Variants in RGS6 observed in about 807,000 individuals in gnomAD.
The protein encoded by RGS6 is regulator of G-protein signaling 6.
A neutral mutation model predicts 78.5 loss-of-function variants in RGS6; 30 were observed. That is an observed-to-expected ratio of 0.38 (90% CI 0.29 to 0.52). The LOEUF is 0.52. Ranked by LOEUF, RGS6 falls within the 20% of genes least tolerant of loss-of-function variation. The pLI is 0.85. For synonymous variants in RGS6, 206 were observed against 206.0 expected (o/e 1.00, Z 0.00); for missense variants, 495 against 609.7 (o/e 0.81, Z 1.98).
chr14:71,908,900 C>T, the RGS6 span, among the ~76,000 whole-genome samples: 1 of 152,148 alleles, frequency 6.6e-6, no homozygotes, highest in Non-Finnish European at 1.5e-5. Context: ...AAAATAACCA[C>T]ATTCTAAGCT....
chr14:72,187,205 C>T (rs1030516300), intron 2 of RGS6, among the ~76,000 whole-genome samples: 4 of 152,310 alleles, frequency 2.6e-5, no homozygotes, highest in Admixed American at 2.6e-4. Flanking sequence ...ACTTGAGCCT[C>T]AGTAAATGAG....
At chr14:72,313,687 C>A (rs548865291) in intron 2 of RGS6, among the ~76,000 whole-genome samples, 6 of 152,056 alleles carry the variant, frequency 3.9e-5, no homozygotes, top group Non-Finnish European at 8.8e-5. Context: ...AAAGATAACC[C>A]AATAAAATAA....
At chr14:72,199,844 C>G (rs2041075855) in intron 2 of RGS6, among the ~76,000 whole-genome samples, 1 of 152,162 alleles carries the variant, frequency 6.6e-6, no homozygotes, top group African/African-American at 2.4e-5. Flanking sequence ...ACACAGCCCA[C>G]AGTCTGTTTT....
At chr14:72,082,210 G>C (rs534804477) in intron 2 of RGS6, among the ~76,000 whole-genome samples, 1 of 152,064 alleles carries the variant, frequency 6.6e-6, no homozygotes. Flanking sequence ...TTGTGATAAA[G>C]ATTAATTGCA....
At chr14:72,477,725 A>C (rs2096272995) in intron 11 of RGS6, among the ~76,000 whole-genome samples, 1 of 150,208 alleles carries the variant, frequency 6.7e-6, no homozygotes. Flanking sequence ...TGAATCTGAG[A>C]GGTGGAGGTT....
intron 2 of RGS6, among the ~76,000 whole-genome samples, chr14:72,193,858 G>A (rs2039346437): frequency 6.6e-6 from 1 of 152,200 alleles, no homozygotes; most frequent in Admixed American, 6.5e-5. Context: ...TGGCTGGGAA[G>A]CATGGCAGGA....
intron 12 of RGS6, among the ~76,000 whole-genome samples, chr14:72,492,797 A>G (rs1466183348): frequency 6.6e-6 from 1 of 152,126 alleles, no homozygotes; most frequent in Non-Finnish European, 1.5e-5. Context: ...GGGCCAAACC[A>G]TACTCCATTC....
In RGS6 at chr14:72,051,613, G is replaced by A. The variant is rs796646905; in HGVS notation, c.84+86738G>A. The stretch of plus-strand genomic sequence containing the variant: ...GGATGGGGTGTGTGTGGCGGTGAAA[G>A]GGGTACAGATAGTTTATCCTAATCA... On this transcript the variant is annotated intron_variant, in intron 2 of 17. Coordinates refer to ENST00000553525, the MANE Select transcript of RGS6 (RefSeq NM_001204424.2). Among the ~76,000 whole-genome samples, 46 of 152,278 alleles carry A rather than the reference G, an allele frequency of 3.0e-4. 2 individuals are homozygous for A. Among genetic ancestry groups the A allele is most frequent in the African/African-American group, 1.0e-3 (42 of 41,556 alleles).
chr14:72,181,117 T>A (rs1350842631), intron 2 of RGS6, among the ~76,000 whole-genome samples: 2 of 152,246 alleles, frequency 1.3e-5, no homozygotes, highest in African/African-American at 4.8e-5. Flanking sequence ...TCTACAGAAT[T>A]GCTTTAATTA....
intron 2 of RGS6, among the ~76,000 whole-genome samples, chr14:71,972,970 C>T (rs2093902616): frequency 6.6e-6 from 1 of 152,176 alleles, no homozygotes; most frequent in Admixed American, 6.5e-5. Flanking sequence ...CCCCTCTCTT[C>T]CCTGTATGTA....
At chr14:72,373,634 A>C (rs2083976788) in intron 3 of RGS6, among the ~76,000 whole-genome samples, 1 of 152,208 alleles carries the variant, frequency 6.6e-6, no homozygotes, top group Non-Finnish European at 1.5e-5. Context: ...TTAGATGAGT[A>C]GGGGGAGAAG....
At chr14:71,885,226 C>T in the RGS6 span, among the ~76,000 whole-genome samples, 1 of 152,204 alleles carries the variant, frequency 6.6e-6, no homozygotes, top group African/African-American at 2.4e-5. Flanking sequence ...CAAACAAAAC[C>T]TAAACATTTC....
intron 2 of RGS6, among the ~76,000 whole-genome samples, chr14:72,249,592 G>A (rs372233631): frequency 6.2e-4 from 95 of 152,224 alleles, no homozygotes; most frequent in African/African-American, 2.3e-3. Context: ...AATGAAATCT[G>A]ATAAAGGACT....
chr14:72,253,876 A>G (rs769289107), intron 2 of RGS6, among the ~76,000 whole-genome samples: 94 of 152,298 alleles, frequency 6.2e-4, no homozygotes, highest in Middle Eastern at 6.8e-3. Flanking sequence ...AGCATATATA[A>G]CTGCGCCTAT....
At chr14:72,198,565 T>C (rs1288337324) in intron 2 of RGS6, among the ~76,000 whole-genome samples, 2 of 152,256 alleles carry the variant, frequency 1.3e-5, no homozygotes, top group Admixed American at 6.5e-5. Flanking sequence ...TCTCTACACA[T>C]ACCTGAGTAA....
chr14:72,335,432 A>C (rs895418249), intron 2 of RGS6, among the ~76,000 whole-genome samples: 1 of 152,138 alleles, frequency 6.6e-6, no homozygotes, highest in Non-Finnish European at 1.5e-5. Context: ...TTAATAGACT[A>C]CCAAGTCCCC....
intron 2 of RGS6, among the ~76,000 whole-genome samples, chr14:72,190,237 A>C (rs2097305374): frequency 6.6e-6 from 1 of 152,198 alleles, no homozygotes; most frequent in Non-Finnish European, 1.5e-5. Context: ...TGGAGTGGGC[A>C]GTTCTGTTCA....
chr14:71,878,387 CCCCTCCCCTAGCCTTG>C, the RGS6 span, among the ~76,000 whole-genome samples: 1 of 152,216 alleles, frequency 6.6e-6, no homozygotes, highest in East Asian at 1.9e-4. Context: ...ATGGCAGGCA[CCCCTCCCCTAGCCTTG>C]CTGCTGCCGC....
At chr14:71,903,497 T>A in the RGS6 span, among the ~76,000 whole-genome samples, 2 of 152,236 alleles carry the variant, frequency 1.3e-5, no homozygotes, top group Non-Finnish European at 2.9e-5. Context: ...TCCAGTTTGC[T>A]GGGTTCAGAA....
Sources: gnomAD v4.1 joint callset for allele counts (sites outside exome capture counted in the v4.1 genomes callset) on GRCh38, gnomAD v4.1.1 for gene constraint, MANE v1.5 for transcripts, NCBI Gene and HGNC (gene_info 2026-07-23, HGNC 2026-07-21) for gene names.